The following ERC1 variants were observed in gnomAD, a reference collection of about 807,000 sequenced individuals.
The protein encoded by ERC1 is ELKS/RAB6-interacting/CAST family member 1, also known as RAB6 interacting protein 2.
In ERC1, 56 loss-of-function variants were observed where a neutral mutation model predicts 132.0. The ratio of observed to expected loss-of-function variants is 0.42; its 90% CI spans 0.34 to 0.53. The LOEUF (loss-of-function observed/expected upper bound fraction) is 0.53, where lower values mean the gene tolerates loss of function less well. Among genes scored for constraint, ERC1 ranks in the 20% least tolerant of loss-of-function variants. The pLI, the probability that ERC1 is intolerant of heterozygous loss-of-function variation, is 0.03. For missense variants in ERC1, 1,202 were observed against 1,349.9 expected (o/e 0.89, Z 1.72); for synonymous variants, 478 against 476.1 (o/e 1.00, Z -0.05).
chr12:1,179,936 T>G (rs1170534859), intron 8 of ERC1, among the ~76,000 whole-genome samples: 2 of 152,222 alleles, frequency 1.3e-5, no homozygotes, highest in Admixed American at 6.5e-5. Flanking sequence ...AGATAAAAGA[T>G]GATATAAGTA....
intron 8 of ERC1, among the ~76,000 whole-genome samples, chr12:1,142,955 G>A (rs1211191190): frequency 3.3e-5 from 5 of 152,192 alleles, no homozygotes; most frequent in African/African-American, 7.2e-5. Context: ...CTGGAGTGCA[G>A]AGGCACGATC....
chr12:1,494,565 T>C lies in ERC1; in HGVS notation c.*4335T>C, dbSNP rs535172856. 2.5e-4 allele frequency: 57 copies of C among 231,234 alleles called. No individual in the cohort carries two copies. Among genetic ancestry groups the C allele is most frequent in the Admixed American group, 3.9e-4 (7 of 17,734 alleles). The allele number at this position is 231,234 out of a possible 1,614,324, so 14.3% of individuals were successfully genotyped here. A position where few individuals can be genotyped will look rare whatever the true frequency, so the allele number is the denominator to read the frequency against. ...TTTTAGTGTCAAAAATGTAACCAAC[T>C]GTCTCCTGATTTTTTCCAATGTGTT... On this transcript the variant is annotated 3_prime_UTR_variant, in exon 19 of 19. Transcript: ENST00000360905.
Position 1,070,917 on chromosome 12 carries a change from G to A in ERC1, c.670-12247G>A, listed in dbSNP as rs567170844. ...CTGATTCCTTTCACTTTAATTTTAC[G>A]TGTTCTCGAACTTCATTTAAATGGA... On this transcript the variant is annotated intron_variant, in intron 2 of 18. Coordinates refer to ENST00000360905, the MANE Select transcript of ERC1 (RefSeq NM_178040.4). Among the ~76,000 whole-genome samples the A allele has an allele frequency of 4.6e-5, 7 of 152,114 alleles. No homozygotes were observed. In the East Asian group the frequency reaches 5.8e-4, roughly 13 times the overall value.
intron 15 of ERC1, among the ~76,000 whole-genome samples, chr12:1,308,996 ACT>A (rs1295656044): frequency 6.6e-6 from 1 of 152,192 alleles, no homozygotes; most frequent in African/African-American, 2.4e-5. Context: ...TGCCCCTTCC[ACT>A]GTGTGAGAAA....
At chr12:992,098 C>A (rs10774482) in intron 1 of ERC1, among the ~76,000 whole-genome samples, 1 of 151,874 alleles carries the variant, frequency 6.6e-6, no homozygotes, top group Non-Finnish European at 1.5e-5. Flanking sequence ...GTTTAGACAA[C>A]TTCGTTCCGG....
chr12:1,435,194 C>T (rs1434990701), intron 17 of ERC1, among the ~76,000 whole-genome samples: 1 of 152,186 alleles, frequency 6.6e-6, no homozygotes, highest in African/African-American at 2.4e-5. Flanking sequence ...CTATAGCAAA[C>T]ATAAATCCAG....
At chr12:1,431,166 T>C (rs2092787142) in intron 17 of ERC1, among the ~76,000 whole-genome samples, 1 of 152,186 alleles carries the variant, frequency 6.6e-6, no homozygotes, top group Non-Finnish European at 1.5e-5. Context: ...ACTGAGAACT[T>C]AGCTGCTGGT....
At chr12:1,452,906 T>C (rs1258918305) in intron 18 of ERC1, among the ~76,000 whole-genome samples, 1 of 152,236 alleles carries the variant, frequency 6.6e-6, no homozygotes, top group Non-Finnish European at 1.5e-5. Flanking sequence ...GTTACCTTCA[T>C]GGTGCCACAG....
chr12:1,096,970 C>G (rs541258583), intron 3 of ERC1, among the ~76,000 whole-genome samples: 1 of 152,262 alleles, frequency 6.6e-6, no homozygotes, highest in African/African-American at 2.4e-5. Flanking sequence ...GTATTGTTAT[C>G]TTGTATTATA....
At chr12:1,222,224 C>CTTTTTTTTTTTTTTTTTTTTTTTTT (rs398116013) in intron 12 of ERC1, among the ~76,000 whole-genome samples, 1 of 145,958 alleles carries the variant, frequency 6.9e-6, no homozygotes, top group Non-Finnish European at 1.5e-5. Context: ...TACATATTCT[C>CTTTTTTTTTTTTTTTTTTTTTTTTT]TTTTTTTTTT....
chr12:1,218,028 A>G (rs180912034), intron 12 of ERC1, among the ~76,000 whole-genome samples: 20 of 152,326 alleles, frequency 1.3e-4, no homozygotes, highest in African/African-American at 4.1e-4. Context: ...TAAGAGGACT[A>G]TTAGATTTGA....
chr12:1,122,205 G>A (rs796987639), intron 7 of ERC1, among the ~76,000 whole-genome samples: 105 of 17,038 alleles, frequency 6.2e-3, no homozygotes, highest in East Asian at 0.033. Context: ...CTCTATCTGT[G>A]TCTCTATCTC....
At position 1,493,326 on chromosome 12, in the gene ERC1, T is replaced by TGA. The variant is rs1206828588; in HGVS notation, c.*3099_*3100dup. 5.6e-6 allele frequency: 1 copy of TGA among 179,130 alleles called. No individual in the cohort carries two copies. The highest frequency in any genetic ancestry group is 2.4e-5 in the African/African-American group (1 of 42,206). 11.1% of individuals were successfully genotyped at this position (179,130 alleles called of 1,614,324 possible). On this transcript the variant is annotated 3_prime_UTR_variant, in exon 19 of 19. Coordinates refer to ENST00000360905, the MANE Select transcript of ERC1 (RefSeq NM_178040.4). Reference sequence around the variant, plus strand: ...GGAAGGCTGAGGCAGGCGGATCACCTGAGATCAGGAGTTCGAGGCCAGCCT... The same window carrying TGA: ...GGAAGGCTGAGGCAGGCGGATCACCTGAGAGATCAGGAGTTCGAGGCCAGCCT...
intron 15 of ERC1, among the ~76,000 whole-genome samples, chr12:1,290,769 AGTTACCCTCG>A (rs907577727): frequency 4.2e-5 from 5 of 120,354 alleles, no homozygotes; most frequent in African/African-American, 1.7e-4. Flanking sequence ...AGTTACCCTC[AGTTACCCTCG>A]TTCTGTGAGC....
rs71293128 is a variant in ERC1 at position 1,266,391 on chromosome 12, C to CTTTTTTTTT, written c.2619+3249_2619+3257dup. Among the ~76,000 whole-genome samples, 37 of 43,016 alleles carry CTTTTTTTTT rather than the reference C, an allele frequency of 8.6e-4. 13 individuals are homozygous for CTTTTTTTTT. Among genetic ancestry groups the CTTTTTTTTT allele is most frequent in the East Asian group, 1.4e-3 (2 of 1,456 alleles). The allele number at this position is 43,016 out of a possible 152,430, so 28.2% of individuals were successfully genotyped here. A position where few individuals can be genotyped will look rare whatever the true frequency, so the allele number is the denominator to read the frequency against. Reference sequence around the variant, plus strand: ...TATTATTATTTTTATCGTTTCCTGTCTTTTTTTTTTTTTTTTTTTTTTTTT... The same window carrying CTTTTTTTTT: ...TATTATTATTTTTATCGTTTCCTGTCTTTTTTTTTTTTTTTTTTTTTTTTTTTTTTTTTT... On this transcript the variant is annotated intron_variant, in intron 14 of 18. Coordinates refer to ENST00000360905, the MANE Select transcript of ERC1 (RefSeq NM_178040.4).
At chr12:1,115,588 T>C (rs1404261949) in intron 6 of ERC1, 16 of 309,422 alleles carry the variant, frequency 5.2e-5, no homozygotes, top group Middle Eastern at 9.3e-4. Context: ...GGAATTTCCT[T>C]TCCCTCCATT....
At chr12:1,397,295 C>T (rs1285350591) in intron 16 of ERC1, among the ~76,000 whole-genome samples, 1 of 152,168 alleles carries the variant, frequency 6.6e-6, no homozygotes, top group African/African-American at 2.4e-5. Context: ...GACCCAGAAG[C>T]TTTACTTCTA....
intron 15 of ERC1, among the ~76,000 whole-genome samples, chr12:1,314,260 C>G (rs2081530888): frequency 6.6e-6 from 1 of 151,982 alleles, no homozygotes; most frequent in African/African-American, 2.4e-5. Flanking sequence ...GAAAAGTAGG[C>G]AAAGAATATA....
chr12:1,463,697 C>A (rs2093684991), intron 18 of ERC1, among the ~76,000 whole-genome samples: 1 of 136,032 alleles, frequency 7.4e-6, no homozygotes. Flanking sequence ...GGTGCTAAGA[C>A]TGTGTGTGTG....
Sources: gnomAD v4.1 joint callset for allele counts (sites outside exome capture counted in the v4.1 genomes callset) on GRCh38, gnomAD v4.1.1 for gene constraint, MANE v1.5 for transcripts, NCBI Gene and HGNC (gene_info 2026-07-23, HGNC 2026-07-21) for gene names.